Variants in CEP131 observed in about 807,000 individuals in gnomAD.
CEP131 encodes centrosomal protein of 131 kDa.
Under a neutral mutation model 136.8 loss-of-function variants are expected in CEP131, and 99 were observed. The ratio of observed to expected loss-of-function variants is 0.72; its 90% CI spans 0.62 to 0.86. The LOEUF is 0.86. Among genes scored for constraint, CEP131 ranks in the 40% least tolerant of loss-of-function variants. CEP131 has a pLI of 0.00. For synonymous variants in CEP131, 646 were observed against 612.7 expected (o/e 1.05, Z -0.80); for missense variants, 1,459 against 1,463.0 (o/e 1.00, Z 0.04).
At position 81,208,743 on chromosome 17, in the gene CEP131, A is replaced by G. The variant is rs540090430; in HGVS notation, c.272+185T>C. 5.3e-5 allele frequency among the ~76,000 whole-genome samples: 8 copies of G among 152,280 alleles called. No individual in the cohort carries two copies. In the East Asian group the frequency reaches 9.7e-4, roughly 18 times the overall value. Reference sequence around the variant, plus strand: ...TGTCTGCCTCAGGCCTCCCGCCCCAATGCGAGAGGAGGCCTGGGACACAAA... The same window carrying G: ...TGTCTGCCTCAGGCCTCCCGCCCCAGTGCGAGAGGAGGCCTGGGACACAAA... On this transcript the variant is annotated intron_variant, in intron 3 of 25. Coordinates refer to ENST00000450824, the MANE Select transcript of CEP131 (RefSeq NM_014984.4). This position sits in a 1 kb window ranked among gnomAD's most constrained non-coding sequence, Gnocchi z 5.6.
intron 18 of CEP131, 81 bp downstream of exon 18, chr17:81,193,845 G>A (rs2061694621): frequency 4.2e-6 from 6 of 1,442,074 alleles, no homozygotes; most frequent in Non-Finnish European, 5.6e-6. Flanking sequence ...ACCTCTACAT[G>A]GGAACTCCAC....
intron 1 of CEP131, among the ~76,000 whole-genome samples, chr17:81,221,789 G>A (rs887892748): frequency 1.3e-5 from 2 of 152,208 alleles, no homozygotes; most frequent in African/African-American, 4.8e-5. Flanking sequence ...TGAACCCGTA[G>A]ATGAACGGGA....
chr17:81,198,765 G>GCT (rs2061823971), intron 11 of CEP131, 112 bp downstream of exon 11: 1 of 1,090,480 alleles, frequency 9.2e-7, no homozygotes, highest in South Asian at 1.4e-5. Context: ...AGCTTAAGTG[G>GCT]CCCCTAGAGC....
chr17:81,220,718 C>T (rs925944881), intron 1 of CEP131, among the ~76,000 whole-genome samples: 1 of 152,006 alleles, frequency 6.6e-6, no homozygotes, highest in Non-Finnish European at 1.5e-5. Flanking sequence ...CCAGGCTGGT[C>T]TCGAACTCCT....
intron 11 of CEP131, 133 bp from the exon 12 acceptor site, chr17:81,198,430 T>C (rs2061816878): frequency 1.0e-6 from 1 of 973,022 alleles, no homozygotes; most frequent in Non-Finnish European, 1.5e-6. Context: ...CCCAGGAAGG[T>C]GAGGCCAGGG....
rs747453171 is a variant in CEP131, at chr17:81,190,933, C to T, written c.2917G>A (p.Glu973Lys). Residue 973 changes from glutamate to lysine, a missense_variant, in exon 23 of 26, where the codon GAG (glutamate) becomes AAG (lysine). Physicochemically the swap from Glu to Lys is moderately conservative, Grantham distance 56. Coordinates refer to ENST00000450824, the MANE Select transcript of CEP131 (RefSeq NM_014984.4). ...LRLQGLVRQKERALEDAQAVN... is the reference protein window; with the variant it reads ...LRLQGLVRQKKRALEDAQAVN... ...GCCTGCGCATCCTCCAGCGCCCGCT[C>T]CTTCTGCCGCACAAGGCCCTGCAGA... 6.2e-7 allele frequency: 1 copy of T among 1,604,874 alleles called. No individual in the cohort carries two copies. The highest frequency in any genetic ancestry group is 1.1e-5 in the South Asian group (1 of 91,052).
chr17:81,202,543 C>A (rs550898863), intron 6 of CEP131, 145 bp from the exon 7 acceptor site: 3 of 926,364 alleles, frequency 3.2e-6, no homozygotes, highest in Non-Finnish European at 3.1e-6. Flanking sequence ...AGGGGGACAG[C>A]GGCAGGTGCG....
intron 7 of CEP131, 38 bp downstream of exon 7, chr17:81,202,202 A>G: frequency 8.8e-7 from 1 of 1,134,988 alleles, no homozygotes; most frequent in South Asian, 1.5e-5. Context: ...TCTGTGTTCT[A>G]GGCTCAGGCC....
chr17:81,190,779 C>G lies in CEP131; in HGVS notation c.2967G>C (p.Glu989Asp). Residue 989 changes from glutamate (E) to aspartate (D), a missense_variant, in exon 24 of 26, where the codon GAG becomes GAC. Glu to Asp is a conservative substitution (Grantham distance 45, BLOSUM62 2). Coordinates refer to ENST00000450824, the MANE Select transcript of CEP131 (RefSeq NM_014984.4). Reference sequence around the variant, plus strand: ...GGATCACCTGGGCCAGGTTGCTGCGCTCGCTAGAAAGCTGCTCGTTCACCT... The same window carrying G: ...GGATCACCTGGGCCAGGTTGCTGCGGTCGCTAGAAAGCTGCTCGTTCACCT... ...AQAVNEQLSSERSNLAQVIRQ... is the reference protein window; with the variant it reads ...AQAVNEQLSSDRSNLAQVIRQ... 6.2e-7 allele frequency: 1 copy of G among 1,611,340 alleles called. No individual in the cohort carries two copies. The highest frequency in any genetic ancestry group is 1.1e-5 in the South Asian group (1 of 90,930).
chr17:81,221,012 C>A (rs1452411411), intron 1 of CEP131, among the ~76,000 whole-genome samples: 2 of 150,458 alleles, frequency 1.3e-5, no homozygotes, highest in African/African-American at 4.9e-5. Context: ...GTAATCCCAA[C>A]TACTTGGGAG....
intron 12 of CEP131, 63 bp downstream of exon 12, chr17:81,198,052 G>A (rs960417910): frequency 1.1e-5 from 17 of 1,496,482 alleles, no homozygotes; most frequent in Middle Eastern, 2.2e-4. Context: ...CACAGCCACC[G>A]CATGCTCTGT....
intron 15 of CEP131, 112 bp from the exon 16 acceptor site, chr17:81,196,063 G>A (rs2061748288): frequency 2.4e-6 from 2 of 841,876 alleles, no homozygotes; most frequent in South Asian, 1.7e-5. Context: ...CCCTCCCCTG[G>A]GGCTGCCCCT....
intron 8 of CEP131, 192 bp from the exon 9 acceptor site, chr17:81,200,027 G>A (rs771080102): frequency 1.2e-4 from 78 of 633,526 alleles, no homozygotes; most frequent in East Asian, 2.5e-4. Flanking sequence ...GCCCTACGTC[G>A]CAGGTGGCCA....
intron 17 of CEP131, among the ~76,000 whole-genome samples, chr17:81,194,334 T>TG (rs1443997016): frequency 6.6e-6 from 1 of 152,136 alleles, no homozygotes; most frequent in African/African-American, 2.4e-5. Flanking sequence ...TCCCAGCCTG[T>TG]GGGGCTCAGG....
intron 21 of CEP131, among the ~76,000 whole-genome samples, chr17:81,191,890 C>T (rs1297653426): frequency 1.3e-5 from 2 of 152,134 alleles, no homozygotes; most frequent in Non-Finnish European, 2.9e-5. Flanking sequence ...AGCCTCGCGG[C>T]GGGCATGGGT....
At chr17:81,204,642 G>A (rs1377763516) in intron 5 of CEP131, among the ~76,000 whole-genome samples, 1 of 152,024 alleles carries the variant, frequency 6.6e-6, no homozygotes, top group Admixed American at 6.6e-5. Flanking sequence ...TGATGGGAAT[G>A]AGGATAAGCA....
Position 81,198,270 on chromosome 17 carries a change from C to T in CEP131, c.1315G>A (p.Asp439Asn), listed in dbSNP as rs375020477. 4 of 1,603,600 alleles carry T rather than the reference C, an allele frequency of 2.5e-6. No homozygotes were observed. Among genetic ancestry groups the T allele is most frequent in the African/African-American group, 1.3e-5 (1 of 74,632 alleles). Residue 439 changes from aspartate to asparagine, a missense_variant, in exon 12 of 26, where the codon GAC (aspartate) becomes AAC (asparagine). Around this residue, in one of 3 missense-constraint regions of CEP131, gnomAD observed 1,026 missense variants for 964.2 expected, o/e 1.06. Transcript: ENST00000450824. ...CTCGGGGCCATCATCTCCAGGTTGTCCCCAGCTGCATCCTGGGCAAGAACG... is the reference window on the plus strand; with the variant it reads ...CTCGGGGCCATCATCTCCAGGTTGTTCCCAGCTGCATCCTGGGCAAGAACG... ...QDVLAQDAAG[D>N]NLEMMAPSRG... is the part of the protein sequence containing the mutation.
rs780691586 is a variant in CEP131 at position 81,192,392 on chromosome 17, T to C, written c.2548A>G (p.Met850Val). The change falls in exon 21 of 26, where the codon ATG becomes GTG. Residue 850 changes from methionine to valine, a missense_variant and splice_region_variant. Physicochemically the swap from Met to Val is conservative, Grantham distance 21 (BLOSUM62 1). Around this residue, in one of 3 missense-constraint regions of CEP131, gnomAD observed 1,026 missense variants for 964.2 expected, o/e 1.06. Transcript: ENST00000450824. ...TGCTGCTTCAGGGTATTCAGCTCCA[T>C]CTGGGGGGCGGACATAAGAGGCCAG... ...GREEQERRHQMELNTLKQQLE... is the reference protein window; with the variant it reads ...GREEQERRHQVELNTLKQQLE... 6.8e-6 allele frequency: 11 copies of C among 1,608,506 alleles called. No individual in the cohort carries two copies. The highest frequency in any genetic ancestry group is 9.3e-6 in the Non-Finnish European group (11 of 1,178,628).
intron 7 of CEP131, among the ~76,000 whole-genome samples, 180 bp downstream of exon 7, chr17:81,202,060 C>T (rs2146592774): frequency 6.6e-6 from 1 of 150,850 alleles, no homozygotes; most frequent in East Asian, 2.0e-4. Context: ...GAGATCGCGC[C>T]ACTGCACTCC....
Sources: allele counts gnomAD v4.1 joint callset (sites outside exome capture counted in the v4.1 genomes callset), GRCh38; gene constraint gnomAD v4.1.1; regional missense constraint gnomAD v4.1.1; non-coding constraint Gnocchi (gnomAD v3.1); transcripts MANE v1.5; gene names NCBI Gene and HGNC (gene_info 2026-07-23, HGNC 2026-07-21).